The following NME6 variants were observed in gnomAD, a reference collection of about 807,000 sequenced individuals.
NME6 encodes the protein NME/NM23 nucleoside diphosphate kinase 6.
Under a neutral mutation model 22.2 loss-of-function variants are expected in NME6, and 16 were observed. The ratio of observed to expected loss-of-function variants is 0.72; its 90% confidence interval spans 0.49 to 1.09. The LOEUF (loss-of-function observed/expected upper bound fraction) is 1.09. Among genes scored for constraint, NME6 ranks in the 50% least tolerant of loss-of-function variants. The probability of loss-of-function intolerance (pLI) is 0.00; values close to 1 mark genes in which losing one functional copy is unlikely to be tolerated. For missense variants in NME6, 229 were observed against 239.0 expected (o/e 0.96, Z 0.28); for synonymous variants, 58 against 85.2 (o/e 0.68, Z 1.76).
intron 2 of NME6, 87 bp downstream of exon 2, chr3:48,298,340 G>A (rs2035324276): frequency 4.4e-6 from 5 of 1,143,010 alleles, no homozygotes; most frequent in Non-Finnish European, 6.6e-6. Flanking sequence ...ACAAGTCTGT[G>A]TTGTCAGTCA....
At chr3:48,301,223 C>T in intron 1 of NME6, 130 bp downstream of exon 1, 1 of 1,506,666 alleles carries the variant, frequency 6.6e-7, no homozygotes, top group East Asian at 2.5e-5. Flanking sequence ...CCTCAACTCT[C>T]GACCCAGCCC....
chr3:48,295,271 C>A, intron 4 of NME6, 36 bp from the exon 5 acceptor site: 1 of 1,588,274 alleles, frequency 6.3e-7, no homozygotes, highest in Non-Finnish European at 8.6e-7. Flanking sequence ...AGAACCTGGC[C>A]ATCTAGACTA....
chr3:48,296,695 G>A (rs771301094), intron 3 of NME6, 32 bp downstream of exon 3: 1 of 1,482,424 alleles, frequency 6.7e-7, no homozygotes, highest in South Asian at 1.2e-5. Context: ...TGGGATTGAG[G>A]CACCTTCCAT....
chr3:48,296,661 G>T, intron 3 of NME6, 66 bp downstream of exon 3: 1 of 1,117,752 alleles, frequency 8.9e-7, no homozygotes. Context: ...TTGTGTTCCA[G>T]GTAAAATCTC....
downstream of NME6, chr3:48,291,633 C>A (rs533547156): frequency 2.1e-3 from 327 of 156,308 alleles, no homozygotes; most frequent in Non-Finnish European, 4.0e-3. Flanking sequence ...GATCCTCCCC[C>A]CTCAGCCTCC....
intron 1 of NME6, 145 bp from the exon 2 acceptor site, chr3:48,298,668 T>C (rs2035383704): frequency 1.6e-6 from 1 of 624,536 alleles, no homozygotes; most frequent in Admixed American, 3.0e-5. Flanking sequence ...TAAGGCCATA[T>C]ACATTATTTT....
Position 48,294,610 on chromosome 3 carries a change from A to C in NME6, c.*27T>G. 2 of 1,608,864 alleles carry C rather than the reference A, an allele frequency of 1.2e-6. No individual in the cohort carries two copies. Among genetic ancestry groups the C allele is most frequent in the Non-Finnish European group, 1.7e-6 (2 of 1,176,148 alleles). On this transcript the variant is annotated 3_prime_UTR_variant, in exon 6 of 6. Transcript: ENST00000442597. Reference sequence around the variant, plus strand: ...CTAGATGTCTAGGAGAAGTCTGGGCACTACCACTGGTCTTCATAGACCTGC... The same window carrying C: ...CTAGATGTCTAGGAGAAGTCTGGGCCCTACCACTGGTCTTCATAGACCTGC...
intron 1 of NME6, chr3:48,300,361 G>A: frequency 2.2e-6 from 1 of 456,604 alleles, no homozygotes; most frequent in Non-Finnish European, 4.4e-6. Flanking sequence ...AAGAATTTCT[G>A]GCTTGACAGC....
Position 48,292,498 on chromosome 3 carries a change from T to C in NME6, c.*2139A>G, listed in dbSNP as rs1361605338. Reference sequence around the variant, plus strand: ...TTTAAATGCAACAAAATATCAATTTTGTTGATACTTTGTGGGCTGAGATGT... The same window carrying C: ...TTTAAATGCAACAAAATATCAATTTCGTTGATACTTTGTGGGCTGAGATGT... On this transcript the variant is annotated 3_prime_UTR_variant, in exon 6 of 6. Coordinates refer to ENST00000442597, the MANE Select transcript of NME6 (RefSeq NM_001308426.2). 6.6e-6 allele frequency: 1 copy of C among 152,228 alleles called. No individual in the cohort carries two copies. Among genetic ancestry groups the C allele is most frequent in the East Asian group, 1.9e-4 (1 of 5,194 alleles). 9.4% of individuals were successfully genotyped at this position (152,228 alleles called of 1,614,324 possible).
chr3:48,295,316 C>T, intron 4 of NME6, 81 bp from the exon 5 acceptor site: 1 of 1,437,308 alleles, frequency 7.0e-7, no homozygotes, highest in East Asian at 2.5e-5. Flanking sequence ...TGAATAAAAA[C>T]ACACTCTACG....
chr3:48,301,266 T>C, intron 1 of NME6, 87 bp downstream of exon 1: 1 of 1,593,240 alleles, frequency 6.3e-7, no homozygotes, highest in East Asian at 2.3e-5. Context: ...CGCGCAGCCC[T>C]CACCCCTCGT....
At position 48,293,869 on chromosome 3, in the gene NME6, G is replaced by T. The variant is rs1199461224; in HGVS notation, c.*768C>A. On this transcript the variant is annotated 3_prime_UTR_variant, in exon 6 of 6. Transcript: ENST00000442597. ...AAAACACACAGAAGGAGAAAACCAA[G>T]GGTGTGGGATCAGAAAATCCAAGAG... 1.3e-5 allele frequency: 2 copies of T among 152,220 alleles called. No individual in the cohort carries two copies. Among genetic ancestry groups the T allele is most frequent in the African/African-American group, 4.8e-5 (2 of 41,460 alleles). The allele number at this position is 152,220 out of a possible 1,614,324, so 9.4% of individuals were successfully genotyped here.
At chr3:48,298,814 A>G (rs2035400538) in intron 1 of NME6, 1 of 616,142 alleles carries the variant, frequency 1.6e-6, no homozygotes, top group African/African-American at 1.8e-5. Flanking sequence ...TCAAGTTTAA[A>G]TACTACCTGT....
chr3:48,296,246 T>A, intron 3 of NME6, 88 bp from the exon 4 acceptor site: 3 of 1,579,550 alleles, frequency 1.9e-6, no homozygotes, highest in Non-Finnish European at 2.6e-6. Flanking sequence ...CCTAGAATAA[T>A]AAAAATTGTT....
Position 48,293,588 on chromosome 3 carries a change from G to A in NME6, c.*1049C>T, listed in dbSNP as rs893951890. 2.0e-5 allele frequency: 3 copies of A among 152,102 alleles called. No homozygotes were observed. Among genetic ancestry groups the A allele is most frequent in the Non-Finnish European group, 4.4e-5 (3 of 68,042 alleles). The allele number at this position is 152,102 out of a possible 1,614,324, so 9.4% of individuals were successfully genotyped here. A position where few individuals can be genotyped will look rare whatever the true frequency, so the allele number is the denominator to read the frequency against. ...AAAGCCAGCTATATCTTTTATAAAA[G>A]ACTTTCCACCCTATCTCCTTCACCT... On this transcript the variant is annotated 3_prime_UTR_variant, in exon 6 of 6. Transcript: ENST00000442597.
At position 48,294,735 on chromosome 3, in the gene NME6, C is replaced by T. The variant is rs1299795822; in HGVS notation, c.463G>A (p.Glu155Lys). 10 of 1,614,076 alleles carry T rather than the reference C, an allele frequency of 6.2e-6. No individual in the cohort carries two copies. The South Asian group carries it at 8.8e-5, about 14-fold the overall frequency. The change falls in exon 6 of 6, where the codon GAG becomes AAG. Residue 155 changes from glutamate to lysine, a missense_variant. Physicochemically the swap from Glu to Lys is moderately conservative, Grantham distance 56. Coordinates refer to ENST00000442597, the MANE Select transcript of NME6 (RefSeq NM_001308426.2). ...CAGCGCAACTGGGGCTCTTCCTCCT[C>T]ATACCAGCGCTGTTCACTGAAGTCA... is the stretch of plus-strand genomic sequence containing the variant. ...FPDFSEQRWY[E>K]EEEPQLRCGP...
downstream of NME6, among the ~76,000 whole-genome samples, chr3:48,289,481 C>T (rs192957583): frequency 2.2e-4 from 34 of 152,228 alleles, no homozygotes; most frequent in East Asian, 5.0e-3. Context: ...AGATGAAGGT[C>T]GCTTGGGCCA....
At chr3:48,300,769 A>G (rs1037089455) in intron 1 of NME6, 5 of 175,692 alleles carry the variant, frequency 2.8e-5, no homozygotes, top group Non-Finnish European at 6.1e-5. Flanking sequence ...AATTTTAGGC[A>G]GGGCGCGGTG....
chr3:48,291,974 C>T (rs1032573200), downstream of NME6: 2 of 152,308 alleles, frequency 1.3e-5, no homozygotes, highest in Non-Finnish European at 2.9e-5. Flanking sequence ...ACCGTGTTAG[C>T]CAGGATGGTC....
Sources: allele counts gnomAD v4.1 joint callset (sites outside exome capture counted in the v4.1 genomes callset), GRCh38; gene constraint gnomAD v4.1.1; transcripts MANE v1.5; gene names NCBI Gene and HGNC (gene_info 2026-07-23, HGNC 2026-07-21).